ENTREP2: variants seen among roughly 807,000 people sequenced by gnomAD.
The protein encoded by ENTREP2 is protein ENTREP2.
At chr15:29,269,896 C>G in the ENTREP2 span, 14,995 of 533,636 alleles carry the variant, frequency 0.028, 1,742 homozygotes, top group African/African-American at 0.26. Flanking sequence ...GCGGCGGGTA[C>G]CAAAAGGAAC....
chr15:29,567,269 C>T, the ENTREP2 span, among the ~76,000 whole-genome samples: 3,053 of 152,266 alleles, frequency 0.02, 55 homozygotes, highest in Non-Finnish European at 0.032. Flanking sequence ...GCCGAGTCCT[C>T]CCCTTTCAAC....
chr15:29,258,077 C>T, the ENTREP2 span, among the ~76,000 whole-genome samples: 1 of 151,944 alleles, frequency 6.6e-6, no homozygotes, highest in African/African-American at 2.4e-5. Flanking sequence ...GCCGGGCGTG[C>T]TGGCACGCGC....
the ENTREP2 span, among the ~76,000 whole-genome samples, chr15:29,187,943 T>A: frequency 6.6e-6 from 1 of 152,106 alleles, no homozygotes; most frequent in Non-Finnish European, 1.5e-5. Flanking sequence ...GGATGCCTGC[T>A]AGCCAGGGAG....
At chr15:29,656,081 C>A in the ENTREP2 span, among the ~76,000 whole-genome samples, 1 of 146,804 alleles carries the variant, frequency 6.8e-6, no homozygotes, top group Non-Finnish European at 1.5e-5. Context: ...TTTTAAAGAG[C>A]AGAAAGAACA....
chr15:29,124,521 G>C, the ENTREP2 span, among the ~76,000 whole-genome samples: 2 of 152,110 alleles, frequency 1.3e-5, no homozygotes. Context: ...AGTGCACCGA[G>C]AGACAAAGGA....
At chr15:29,324,407 T>C in the ENTREP2 span, among the ~76,000 whole-genome samples, 7 of 152,104 alleles carry the variant, frequency 4.6e-5, no homozygotes, top group Non-Finnish European at 7.3e-5. Context: ...ACTACATCAA[T>C]CCAACTGTGC....
the ENTREP2 span, among the ~76,000 whole-genome samples, chr15:29,480,108 C>G: frequency 6.6e-6 from 1 of 151,944 alleles, no homozygotes; most frequent in Admixed American, 6.5e-5. Flanking sequence ...CCTCATTATT[C>G]TAATTATCTC....
chr15:29,452,552 C>T, the ENTREP2 span: 3 of 152,080 alleles, frequency 2.0e-5, no homozygotes, highest in African/African-American at 4.8e-5. Flanking sequence ...TTATACCACA[C>T]CACAGTCACA....
the ENTREP2 span, among the ~76,000 whole-genome samples, chr15:29,550,271 CA>C: frequency 8.4e-3 from 1,261 of 150,440 alleles, 20 homozygotes; most frequent in African/African-American, 0.029. Context: ...AACACTCACA[CA>C]AAAAAAAACA....
the ENTREP2 span, among the ~76,000 whole-genome samples, chr15:29,444,708 G>A: frequency 2.0e-5 from 3 of 151,938 alleles, no homozygotes; most frequent in Admixed American, 6.6e-5. Context: ...CTTGTGATCC[G>A]CCCACCTCGG....
At chr15:29,400,760 T>C in the ENTREP2 span, among the ~76,000 whole-genome samples, 1 of 152,192 alleles carries the variant, frequency 6.6e-6, no homozygotes, top group Non-Finnish European at 1.5e-5. Context: ...AAAACCCACA[T>C]TTGTTTGTGG....
chr15:29,674,130 G>A, the ENTREP2 span, among the ~76,000 whole-genome samples: 2 of 103,384 alleles, frequency 1.9e-5, no homozygotes, highest in African/African-American at 1.1e-4. Flanking sequence ...GCAGAGGATG[G>A]GGGGGGGGGG....
the ENTREP2 span, among the ~76,000 whole-genome samples, chr15:29,668,029 C>A: frequency 1.3e-5 from 2 of 152,050 alleles, no homozygotes; most frequent in African/African-American, 2.4e-5. Flanking sequence ...ACCCATTGCT[C>A]CTGTCTACAC....
the ENTREP2 span, among the ~76,000 whole-genome samples, chr15:29,656,228 A>G: frequency 1.9e-4 from 29 of 149,972 alleles, no homozygotes; most frequent in African/African-American, 7.0e-4. Flanking sequence ...ATGTTAACGG[A>G]ATTTTTTTTT....
the ENTREP2 span, among the ~76,000 whole-genome samples, chr15:29,557,655 T>C: frequency 1.3e-5 from 2 of 152,186 alleles, no homozygotes; most frequent in Non-Finnish European, 2.9e-5. Context: ...TAGCAGGCAC[T>C]GTGTAGCACT....
At chr15:29,541,952 G>C in the ENTREP2 span, among the ~76,000 whole-genome samples, 1 of 152,224 alleles carries the variant, frequency 6.6e-6, no homozygotes, top group African/African-American at 2.4e-5. Context: ...TGGTCCTCCT[G>C]TTTTGGCTTG....
chr15:29,518,161 G>T, the ENTREP2 span, among the ~76,000 whole-genome samples: 1 of 152,034 alleles, frequency 6.6e-6, no homozygotes, highest in Non-Finnish European at 1.5e-5. Context: ...AGCTATGATT[G>T]CTACACTCCA....
At chr15:29,671,032 T>C in the ENTREP2 span, among the ~76,000 whole-genome samples, 1 of 152,194 alleles carries the variant, frequency 6.6e-6, no homozygotes, top group Non-Finnish European at 1.5e-5. Flanking sequence ...AAACCTCCTC[T>C]GGGGAGAGGA....
At chr15:29,522,956 C>T in the ENTREP2 span, among the ~76,000 whole-genome samples, 1 of 152,144 alleles carries the variant, frequency 6.6e-6, no homozygotes, top group African/African-American at 2.4e-5. Context: ...TGGAATGAAA[C>T]GTCTGTAGGT....
Sources: gnomAD v4.1 joint callset for allele counts (sites outside exome capture counted in the v4.1 genomes callset) on GRCh38, gnomAD v4.1.1 for gene constraint, MANE v1.5 for transcripts, NCBI Gene and HGNC (gene_info 2026-07-23, HGNC 2026-07-21) for gene names.